TRAPPC9: variants seen among roughly 807,000 people sequenced by gnomAD.
TRAPPC9 encodes the protein trafficking protein particle complex subunit 9, also known as IKK2 binding protein.
Under a neutral mutation model 124.0 loss-of-function variants are expected in TRAPPC9, and 83 were observed. The ratio of observed to expected loss-of-function variants is 0.67; its 90% CI spans 0.56 to 0.80. The LOEUF is 0.80. TRAPPC9 is among the 30% of genes least tolerant of loss of function. TRAPPC9 has a pLI of 0.00. For synonymous variants in TRAPPC9, 638 were observed against 617.5 expected, an observed-to-expected ratio of 1.03 and a Z score of -0.49; for missense variants, 1,302 against 1,508.3, an observed-to-expected ratio of 0.86 and a Z score of 2.27.
At chr8:140,317,616 T>C (rs982755491) in intron 9 of TRAPPC9, among the ~76,000 whole-genome samples, 5 of 152,214 alleles carry the variant, frequency 3.3e-5, no homozygotes, top group Non-Finnish European at 7.3e-5. Context: ...GATAAGATTA[T>C]AAGTGATTTC....
intron 17 of TRAPPC9, among the ~76,000 whole-genome samples, chr8:140,061,818 C>G (rs1340879386): frequency 6.6e-6 from 1 of 152,206 alleles, no homozygotes; most frequent in African/African-American, 2.4e-5. Flanking sequence ...CTGTCATTAA[C>G]AGAGCATTGA....
intron 17 of TRAPPC9, among the ~76,000 whole-genome samples, chr8:140,069,884 T>G (rs1255344412): frequency 1.3e-5 from 2 of 152,128 alleles, no homozygotes; most frequent in Non-Finnish European, 2.9e-5. Context: ...CTGTCAGTCC[T>G]AGAGTCCAAA....
chr8:139,779,945 T>A (rs952142409), intron 21 of TRAPPC9, among the ~76,000 whole-genome samples: 14 of 152,144 alleles, frequency 9.2e-5, no homozygotes, highest in Admixed American at 9.2e-4. Flanking sequence ...AATACTGTGC[T>A]ATAAATCTAA....
chr8:140,309,562 T>C (rs956501314), intron 10 of TRAPPC9, among the ~76,000 whole-genome samples: 2 of 152,224 alleles, frequency 1.3e-5, no homozygotes, highest in African/African-American at 4.8e-5. Flanking sequence ...CCCAGAATGT[T>C]CTGTAAGCTT....
chr8:140,190,256 G>A (rs1018128486), intron 17 of TRAPPC9, among the ~76,000 whole-genome samples: 1 of 152,118 alleles, frequency 6.6e-6, no homozygotes, highest in Non-Finnish European at 1.5e-5. Context: ...AGGAGTTCGA[G>A]GCCAGCCTGA....
chr8:139,994,689 C>T (rs1837855233), intron 18 of TRAPPC9, among the ~76,000 whole-genome samples: 1 of 152,102 alleles, frequency 6.6e-6, no homozygotes, highest in Non-Finnish European at 1.5e-5. Context: ...TTTAAAATGA[C>T]TTCAGATCTG....
intron 5 of TRAPPC9, among the ~76,000 whole-genome samples, chr8:140,423,579 T>TACACACACACACACAC (rs35333495): frequency 0.015 from 2,119 of 145,374 alleles, 71 homozygotes; most frequent in African/African-American, 0.052. Context: ...AAATGTGGCA[T>TACACACACACACACAC]ACACACACAC....
intron 17 of TRAPPC9, among the ~76,000 whole-genome samples, chr8:140,051,524 C>T (rs1267673346): frequency 9.0e-6 from 1 of 111,614 alleles, no homozygotes; most frequent in Non-Finnish European, 2.3e-5. Context: ...CTGCAAGAAA[C>T]AGGCTTCCTC....
rs1433307231 is a variant in TRAPPC9, at chr8:140,097,267, C to T, written c.2557-73188G>A. 2 of 152,614 alleles carry T rather than the reference C, an allele frequency of 1.3e-5. No homozygotes were observed. The highest frequency in any genetic ancestry group is 4.8e-5 in the African/African-American group (2 of 41,468). The allele number at this position is 152,614 out of a possible 1,614,324, so 9.5% of individuals were successfully genotyped here. On this transcript the variant is annotated intron_variant, in intron 17 of 22. Transcript: ENST00000438773. This position sits in a 1 kb window ranked among gnomAD's most constrained non-coding sequence, Gnocchi z 4.2. ...ACACACACCCCATCCCCACCAGGTC[C>T]TGAGTGCACAGCCGCAACAGTAACA...
chr8:140,132,118 C>T (rs1307085177), intron 17 of TRAPPC9, among the ~76,000 whole-genome samples: 1 of 152,296 alleles, frequency 6.6e-6, no homozygotes, highest in South Asian at 2.1e-4. Flanking sequence ...CAGCCATCCC[C>T]AATCAAGACC....
rs1173758824 is a variant in TRAPPC9, at chr8:139,835,716, A to G, written c.3055+50163T>C. ...AGAGCTGTCAGAGTGAAATGAAGAG[A>G]CTCCAGGCCTCACTGCTTTGCCAAG... On this transcript the variant is annotated intron_variant, in intron 21 of 22. Transcript: ENST00000438773. 2.0e-5 allele frequency among the ~76,000 whole-genome samples: 3 copies of G among 151,424 alleles called. No homozygotes were observed. The Admixed American group carries it at 2.0e-4, about 10-fold the overall frequency.
intron 17 of TRAPPC9, among the ~76,000 whole-genome samples, chr8:140,204,537 G>A (rs1024553454): frequency 7.2e-5 from 11 of 151,964 alleles, no homozygotes; most frequent in Non-Finnish European, 1.0e-4. Context: ...ACAAGTTAAC[G>A]GGTGCAGCCC....
chr8:140,269,768 T>C (rs1006869194), intron 15 of TRAPPC9, among the ~76,000 whole-genome samples: 1 of 152,070 alleles, frequency 6.6e-6, no homozygotes, highest in African/African-American at 2.4e-5. Context: ...TGATGGTTGA[T>C]ACAGAACAAG....
intron 21 of TRAPPC9, among the ~76,000 whole-genome samples, chr8:139,757,774 C>A (rs967360248): frequency 6.6e-6 from 1 of 152,222 alleles, no homozygotes; most frequent in South Asian, 2.1e-4. Flanking sequence ...GGACCTTCTA[C>A]ATCACCTGCA....
intron 19 of TRAPPC9, among the ~76,000 whole-genome samples, chr8:139,950,319 C>T (rs1477115185): frequency 6.6e-6 from 1 of 152,216 alleles, no homozygotes; most frequent in Non-Finnish European, 1.5e-5. Context: ...GGCTTTTTAT[C>T]GCTTGCCTAC....
chr8:140,014,543 G>A (rs898877235), intron 18 of TRAPPC9, among the ~76,000 whole-genome samples: 11 of 152,172 alleles, frequency 7.2e-5, no homozygotes, highest in African/African-American at 2.2e-4. Context: ...TCGCCCTGGT[G>A]AGGTGAGCAG....
chr8:139,778,171 A>C (rs1244577913), intron 21 of TRAPPC9, among the ~76,000 whole-genome samples: 1 of 152,196 alleles, frequency 6.6e-6, no homozygotes, highest in African/African-American at 2.4e-5. Flanking sequence ...TCAAACACAC[A>C]CACACACACC....
At chr8:139,928,988 G>C (rs887864175) in intron 19 of TRAPPC9, among the ~76,000 whole-genome samples, 1 of 151,946 alleles carries the variant, frequency 6.6e-6, no homozygotes. Flanking sequence ...TACGGGAGAC[G>C]TGTGCGTGGG....
intron 17 of TRAPPC9, among the ~76,000 whole-genome samples, chr8:140,218,039 C>G (rs1300643712): frequency 6.7e-6 from 1 of 150,112 alleles, no homozygotes; most frequent in Non-Finnish European, 1.5e-5. Context: ...AAAGTCATGG[C>G]GAAAGTCTAG....
Sources: gnomAD v4.1 joint callset for allele counts (sites outside exome capture counted in the v4.1 genomes callset) on GRCh38, gnomAD v4.1.1 for gene constraint, Gnocchi (gnomAD v3.1) non-coding constraint, MANE v1.5 for transcripts, NCBI Gene and HGNC (gene_info 2026-07-23, HGNC 2026-07-21) for gene names.